Variants in MYH9 observed in about 807,000 individuals in gnomAD.
MYH9 encodes myosin heavy chain 9.
A neutral mutation model predicts 241.9 loss-of-function variants in MYH9; 29 were observed. That is an observed-to-expected ratio of 0.12 (90% confidence interval 0.09 to 0.16). The LOEUF (loss-of-function observed/expected upper bound fraction) is 0.16. Ranked by LOEUF, MYH9 falls within the 10% of genes least tolerant of loss-of-function variation. The pLI, the probability that MYH9 is intolerant of heterozygous loss-of-function variation, is 1.00. For synonymous variants in MYH9, 1,047 were observed against 1,062.6 expected (o/e 0.99, Z 0.29); for missense variants, 1,803 against 2,595.5 (o/e 0.69, Z 6.63).
chr22:36,326,434 A>C, intron 5 of MYH9, 134 bp downstream of exon 5: 5 of 883,844 alleles, frequency 5.7e-6, no homozygotes, highest in East Asian at 2.4e-5. Flanking sequence ...CCTCAATGGA[A>C]ATGGGCCCAG....
chr22:36,371,574 T>C (rs545184265), intron 1 of MYH9, among the ~76,000 whole-genome samples: 2 of 152,186 alleles, frequency 1.3e-5, no homozygotes, highest in African/African-American at 2.4e-5. Context: ...TCACTCTTGT[T>C]GCCCAGGCTG....
intron 18 of MYH9, among the ~76,000 whole-genome samples, chr22:36,304,692 G>A (rs2037724583): frequency 6.6e-6 from 1 of 152,222 alleles, no homozygotes; most frequent in Admixed American, 6.5e-5. Flanking sequence ...CTGGCTGTGA[G>A]CTGCCCTGCT....
intron 1 of MYH9, among the ~76,000 whole-genome samples, chr22:36,376,178 C>G (rs1256563694): frequency 2.0e-5 from 3 of 151,962 alleles, no homozygotes; most frequent in African/African-American, 7.3e-5. Context: ...CCAGGCTGGT[C>G]TCGAACTCCT....
intron 27 of MYH9, 42 bp downstream of exon 27, chr22:36,294,890 G>A: frequency 6.2e-7 from 1 of 1,605,784 alleles, no homozygotes. Flanking sequence ...CCCAGCACGG[G>A]GAACCCTGCC....
Position 36,282,613 on chromosome 22 carries a change from AG to A in MYH9, c.*54del. On this transcript the variant is annotated 3_prime_UTR_variant, in exon 41 of 41. Transcript: ENST00000216181. ...GAGAGGCGTGCTGCGGGGTCTGGGA[AG>A]GGGAGGCTGTGGTGTCTGTCTGTCC... The A allele has an allele frequency of 6.6e-7, 1 of 1,526,642 alleles. No individual in the cohort carries two copies. The highest frequency in any genetic ancestry group is 1.1e-5 in the South Asian group (1 of 89,466). 94.6% of individuals were successfully genotyped at this position (1,526,642 alleles called of 1,614,324 possible). A position where few individuals can be genotyped will look rare whatever the true frequency, so the allele number is the denominator to read the frequency against.
intron 24 of MYH9, chr22:36,297,233 T>C: frequency 1.7e-6 from 1 of 586,958 alleles, no homozygotes; most frequent in Non-Finnish European, 3.0e-6. Context: ...CCCCTTGTCC[T>C]TCCCTGCCAG....
At position 36,310,553 on chromosome 22, in the gene MYH9, C is replaced by T. The variant is rs143692069; in HGVS notation, c.1729-1157G>A. Among the ~76,000 whole-genome samples the T allele has an allele frequency of 8.3e-3, 1,264 of 152,324 alleles. 9 individuals are homozygous for T. Among genetic ancestry groups the T allele is most frequent in the Non-Finnish European group, 0.011 (778 of 68,022 alleles). ...AGAGGTGCTCCCCTCAGTATGCAAG[C>T]GAATGCACGCTGCTGCATCCCAGGG... On this transcript the variant is annotated intron_variant, in intron 14 of 40. Transcript: ENST00000216181.
Position 36,285,061 on chromosome 22 carries a change from G to T in MYH9, c.5483+60C>A. 2 of 1,526,920 alleles carry T rather than the reference G, an allele frequency of 1.3e-6. No homozygotes were observed. Among genetic ancestry groups the T allele is most frequent in the South Asian group, 1.1e-5 (1 of 88,094 alleles). The allele number at this position is 1,526,920 out of a possible 1,614,324, so 94.6% of individuals were successfully genotyped here. On this transcript the variant is annotated intron_variant, in intron 38 of 40. Coordinates refer to ENST00000216181, the MANE Select transcript of MYH9 (RefSeq NM_002473.6). The surrounding 1 kb of genome is among the most constrained non-coding windows in gnomAD (Gnocchi z 7.0). ...TTGTGGCCCAGATTTGGGCAGGACT[G>T]CAGGGGGGCCAGAGTTTTTTCCAGG...
chr22:36,312,874 C>T (rs943035335), intron 13 of MYH9, among the ~76,000 whole-genome samples: 1 of 151,450 alleles, frequency 6.6e-6, no homozygotes, highest in African/African-American at 2.4e-5. Flanking sequence ...TTTGGGAGGC[C>T]GAGGCGGGCG....
intron 13 of MYH9, among the ~76,000 whole-genome samples, chr22:36,312,477 T>C (rs1256206614): frequency 6.6e-6 from 1 of 152,204 alleles, no homozygotes; most frequent in Non-Finnish European, 1.5e-5. Flanking sequence ...TCAGTGGGTC[T>C]GATGAAAAGT....
chr22:36,358,489 T>C (rs1227569056), intron 1 of MYH9, among the ~76,000 whole-genome samples: 1 of 152,068 alleles, frequency 6.6e-6, no homozygotes, highest in Non-Finnish European at 1.5e-5. Context: ...CCCCTTCATA[T>C]ATTAATAAAT....
chr22:36,293,801 G>A lies in MYH9; in HGVS notation c.3900C>T (p.Thr1300=), dbSNP rs1332037825. The A allele has an allele frequency of 6.2e-7, 1 of 1,613,934 alleles. No homozygotes were observed. Among genetic ancestry groups the A allele is most frequent in the Admixed American group, 1.7e-5 (1 of 60,020 alleles). Residue 1300 remains threonine, a synonymous_variant, in exon 29 of 41, where the codon ACC becomes ACT. Transcript: ENST00000216181. The surrounding 1 kb of genome is among the most constrained non-coding windows in gnomAD (Gnocchi z 5.1). ...GGGACTCCAGCGCGGAGAAGTCCTT[G>A]GTGAGCTTGCTGGACTTGCTGTCGG... ...SQSDSKSSKL[T]KDFSALESQL... is the part of the protein sequence containing the mutation.
In MYH9 at chr22:36,320,473, C is replaced by G. The variant is rs531187511; in HGVS notation, c.869-110G>C. 9.3e-5 allele frequency: 134 copies of G among 1,433,328 alleles called. No homozygotes were observed. The East Asian group carries it at 2.7e-3, about 29-fold the overall frequency. 88.8% of individuals were successfully genotyped at this position (1,433,328 alleles called of 1,614,324 possible). A position where few individuals can be genotyped will look rare whatever the true frequency, so the allele number is the denominator to read the frequency against. ...GACTGGGACAGACCCTGAGCCCTGACGCACCCTGGAAACCGCAGAGTAGCC... is the reference window on the plus strand; with the variant it reads ...GACTGGGACAGACCCTGAGCCCTGAGGCACCCTGGAAACCGCAGAGTAGCC... On this transcript the variant is annotated intron_variant, in intron 8 of 40. Coordinates refer to ENST00000216181, the MANE Select transcript of MYH9 (RefSeq NM_002473.6). This position sits in a 1 kb window ranked among gnomAD's most constrained non-coding sequence, Gnocchi z 4.8.
chr22:36,353,977 T>A (rs1434221659), intron 1 of MYH9, among the ~76,000 whole-genome samples: 1 of 152,206 alleles, frequency 6.6e-6, no homozygotes, highest in Non-Finnish European at 1.5e-5. Context: ...CTCGGCTCAC[T>A]GCAACCTCCA....
At position 36,341,361 on chromosome 22, in the gene MYH9, G is replaced by A. The variant is rs760986092; in HGVS notation, c.490+9C>T. 9.9e-6 allele frequency: 16 copies of A among 1,613,334 alleles called. No homozygotes were observed. The highest frequency in any genetic ancestry group is 2.2e-5 in the East Asian group (1 of 44,874). On this transcript the variant is annotated intron_variant, in intron 3 of 40. Transcript: ENST00000216181. ...TCAGCCCCAGGTGGGCACACACTAC[G>A]TCACCCACCTTGCATCATACTCCTG... is the stretch of plus-strand genomic sequence containing the variant.
chr22:36,312,296 C>A, intron 13 of MYH9, 74 bp from the exon 14 acceptor site: 2 of 1,485,246 alleles, frequency 1.3e-6, no homozygotes, highest in South Asian at 1.1e-5. Flanking sequence ...AAGCCAAAGC[C>A]CGGACATCAG....
chr22:36,309,138 G>A (rs1270820003), intron 15 of MYH9, 144 bp downstream of exon 15: 7 of 775,604 alleles, frequency 9.0e-6, no homozygotes, highest in Non-Finnish European at 1.6e-5. Flanking sequence ...CCTCTCTCAT[G>A]GGAGCTACAG....
chr22:36,344,579 A>C (rs1019253854), intron 2 of MYH9, among the ~76,000 whole-genome samples: 3 of 152,236 alleles, frequency 2.0e-5, no homozygotes, highest in Non-Finnish European at 4.4e-5. Context: ...CTTAGTGATG[A>C]TGCTTAGAAG....
chr22:36,322,322 A>G, intron 6 of MYH9, 107 bp downstream of exon 6: 1 of 1,245,096 alleles, frequency 8.0e-7, no homozygotes, highest in Non-Finnish European at 1.2e-6. Flanking sequence ...ACCGAGTCTG[A>G]ACCGTCCTCG....
Sources: allele counts gnomAD v4.1 joint callset (sites outside exome capture counted in the v4.1 genomes callset), GRCh38; gene constraint gnomAD v4.1.1; non-coding constraint Gnocchi (gnomAD v3.1); transcripts MANE v1.5; gene names NCBI Gene and HGNC (gene_info 2026-07-23, HGNC 2026-07-21).